Variants in MTHFD1L observed in about 807,000 individuals in gnomAD.
The protein encoded by MTHFD1L is monofunctional C1-tetrahydrofolate synthase, mitochondrial.
MTHFD1L carries 81 observed loss-of-function variants against 119.5 expected under a neutral mutation model. The observed-to-expected ratio is 0.68, with a 90% CI of 0.57 to 0.82. The LOEUF is 0.82. Ranked by LOEUF, MTHFD1L falls within the 40% of genes least tolerant of loss-of-function variation. MTHFD1L has a pLI of 0.00. For synonymous variants in MTHFD1L, 430 were observed against 475.2 expected (o/e 0.90, Z 1.24); for missense variants, 1,125 against 1,253.4 (o/e 0.90, Z 1.55).
At chr6:150,975,636 C>G (rs988897644) in intron 20 of MTHFD1L, among the ~76,000 whole-genome samples, 2 of 152,234 alleles carry the variant, frequency 1.3e-5, no homozygotes, top group African/African-American at 4.8e-5. Context: ...CTCTCCTCCC[C>G]TGTCTGGGCC....
chr6:150,942,860 A>G (rs2128953473), intron 13 of MTHFD1L, among the ~76,000 whole-genome samples: 1 of 152,364 alleles, frequency 6.6e-6, no homozygotes, highest in East Asian at 1.9e-4. Context: ...TTTAAAAAGA[A>G]TAACACTTTC....
chr6:151,046,249 T>C (rs1233328177), intron 26 of MTHFD1L, among the ~76,000 whole-genome samples: 1 of 151,952 alleles, frequency 6.6e-6, no homozygotes, highest in Admixed American at 6.6e-5. Context: ...AATCCCTGTG[T>C]ATTAGTTCTG....
intron 15 of MTHFD1L, among the ~76,000 whole-genome samples, chr6:150,947,139 T>C (rs1204094525): frequency 7.0e-6 from 1 of 143,612 alleles, no homozygotes; most frequent in Non-Finnish European, 1.5e-5. Flanking sequence ...GCTCTGTTGC[T>C]CAGGCTGGAG....
At chr6:151,058,247 G>A (rs1790216034) in intron 26 of MTHFD1L, among the ~76,000 whole-genome samples, 1 of 152,198 alleles carries the variant, frequency 6.6e-6, no homozygotes, top group Admixed American at 6.5e-5. Context: ...TAAGAAAGAG[G>A]AGTATCTAGT....
chr6:150,918,619 T>C lies in MTHFD1L; in HGVS notation c.935T>C (p.Leu312Pro), dbSNP rs1208738220. 2 of 1,614,086 alleles carry C rather than the reference T, an allele frequency of 1.2e-6. No individual in the cohort carries two copies. Residue 312 changes from leucine (L) to proline (P), a missense_variant, in exon 9 of 28, where the codon CTC becomes CCC. Physicochemically the swap from Leu to Pro is moderately conservative, Grantham distance 98. Coordinates refer to ENST00000367321, the MANE Select transcript of MTHFD1L (RefSeq NM_015440.5). The part of the protein sequence containing the change: ...CGSPRIHFGG[L>P]IEEDDVILLA... The stretch of plus-strand genomic sequence containing the variant: ...TCTCCAAGAATACATTTTGGTGGAC[T>C]CATTGAGGAAGATGATGTGATTCTC...
intron 26 of MTHFD1L, among the ~76,000 whole-genome samples, chr6:151,076,007 A>G (rs2128625190): frequency 6.6e-6 from 1 of 152,350 alleles, no homozygotes; most frequent in Middle Eastern, 3.4e-3. Flanking sequence ...TTACCATCAC[A>G]GGCATTAGGG....
intron 7 of MTHFD1L, chr6:150,898,827 G>GACT: frequency 2.8e-6 from 1 of 354,102 alleles, no homozygotes; most frequent in South Asian, 2.4e-5. Context: ...GTATAGGGAA[G>GACT]ATTATTATTA....
chr6:151,034,210 T>C (rs1238653302), intron 24 of MTHFD1L, among the ~76,000 whole-genome samples: 2 of 151,876 alleles, frequency 1.3e-5, no homozygotes, highest in African/African-American at 4.8e-5. Context: ...TTTTTAATGC[T>C]ACAATGGATA....
At chr6:151,063,629 G>A (rs1368248870) in intron 26 of MTHFD1L, among the ~76,000 whole-genome samples, 1 of 152,160 alleles carries the variant, frequency 6.6e-6, no homozygotes, top group Non-Finnish European at 1.5e-5. Context: ...TATTAGCCTA[G>A]CATAGCATGT....
rs749705107 is a variant in MTHFD1L at position 151,036,953 on chromosome 6, C to G, written c.2695-12C>G. The G allele has an allele frequency of 6.2e-7, 1 of 1,611,786 alleles. No homozygotes were observed. Among genetic ancestry groups the G allele is most frequent in the Admixed American group, 1.7e-5 (1 of 59,988 alleles). ...CTGTATCAGTGAACACATTTTCTTT[C>G]CTTTCTCACAGGGTTTTGGAAATTT... On this transcript the variant is annotated splice_polypyrimidine_tract_variant and intron_variant, in intron 25 of 27. Transcript: ENST00000367321.
chr6:150,990,152 G>T (rs1296517862), intron 20 of MTHFD1L, among the ~76,000 whole-genome samples: 1 of 152,006 alleles, frequency 6.6e-6, no homozygotes, highest in African/African-American at 2.4e-5. Flanking sequence ...GGTGGTGCGT[G>T]CCTGTAGTCC....
intron 26 of MTHFD1L, among the ~76,000 whole-genome samples, chr6:151,040,536 TTG>T (rs1354181024): frequency 6.6e-6 from 1 of 151,944 alleles, no homozygotes; most frequent in African/African-American, 2.4e-5. Context: ...TAGCCAGACT[TTG>T]TCTCTACTTA....
chr6:150,896,247 G>A (rs998955707), intron 7 of MTHFD1L, among the ~76,000 whole-genome samples: 7 of 152,148 alleles, frequency 4.6e-5, no homozygotes, highest in Non-Finnish European at 1.0e-4. Flanking sequence ...GACTTGTGTT[G>A]AATTCACTCT....
intron 19 of MTHFD1L, among the ~76,000 whole-genome samples, chr6:150,971,164 A>G (rs1797953954): frequency 6.6e-6 from 1 of 152,134 alleles, no homozygotes; most frequent in Non-Finnish European, 1.5e-5. Context: ...ATTCATAAAC[A>G]TGTGTCCCTA....
chr6:151,018,838 G>C (rs574026914), intron 24 of MTHFD1L, among the ~76,000 whole-genome samples: 1 of 152,332 alleles, frequency 6.6e-6, no homozygotes, highest in South Asian at 2.1e-4. Flanking sequence ...GAATTAATTG[G>C]AGGCTAGCTC....
At chr6:151,069,251 T>TCTC (rs1791671966) in intron 26 of MTHFD1L, among the ~76,000 whole-genome samples, 3 of 136,678 alleles carry the variant, frequency 2.2e-5, no homozygotes, top group Admixed American at 1.5e-4. Context: ...TTCTCTCTCT[T>TCTC]TCTCTCTCTC....
intron 27 of MTHFD1L, among the ~76,000 whole-genome samples, chr6:151,093,290 A>C (rs754297761): frequency 6.6e-6 from 1 of 152,172 alleles, no homozygotes; most frequent in East Asian, 1.9e-4. Flanking sequence ...GTGTCTTCAC[A>C]TGATGTTCAC....
At chr6:151,009,007 A>G (rs1183222220) in intron 20 of MTHFD1L, among the ~76,000 whole-genome samples, 1 of 151,588 alleles carries the variant, frequency 6.6e-6, no homozygotes, top group African/African-American at 2.4e-5. Flanking sequence ...CTGTAATCCC[A>G]GCTACTTGGG....
chr6:150,898,728 C>A (rs1338312151), intron 7 of MTHFD1L: 3 of 271,486 alleles, frequency 1.1e-5, no homozygotes, highest in Non-Finnish European at 2.1e-5. Context: ...AAGTCTTTGT[C>A]ATGTGAAGGA....
Sources: gnomAD v4.1 joint callset for allele counts (sites outside exome capture counted in the v4.1 genomes callset) on GRCh38, gnomAD v4.1.1 for gene constraint, MANE v1.5 for transcripts, NCBI Gene and HGNC (gene_info 2026-07-23, HGNC 2026-07-21) for gene names.